Variants in SUSD6 observed in about 807,000 individuals in gnomAD.
SUSD6 encodes sushi domain containing 6, also known as sushi domain-containing protein 6.
A neutral mutation model predicts 28.4 loss-of-function variants in SUSD6; 16 were observed. That is an observed-to-expected ratio of 0.56 (90% CI 0.38 to 0.86). SUSD6 has a LOEUF of 0.86. Among genes scored for constraint, SUSD6 ranks in the 40% least tolerant of loss-of-function variants. The probability of loss-of-function intolerance (pLI) is 0.00; values close to 1 mark genes in which losing one functional copy is unlikely to be tolerated. For synonymous variants in SUSD6, 147 were observed against 159.6 expected, an observed-to-expected ratio of 0.92 and a Z score of 0.59; for missense variants, 341 against 384.2, an observed-to-expected ratio of 0.89 and a Z score of 0.94.
intron 1 of SUSD6, among the ~76,000 whole-genome samples, chr14:69,629,949 T>G (rs1431318402): frequency 6.6e-6 from 1 of 152,204 alleles, no homozygotes; most frequent in African/African-American, 2.4e-5. Flanking sequence ...AACATTGTCT[T>G]GTCTCATTTG....
chr14:69,651,542 G>C (rs1362839393), intron 1 of SUSD6, among the ~76,000 whole-genome samples: 1 of 152,194 alleles, frequency 6.6e-6, no homozygotes, highest in East Asian at 1.9e-4. Context: ...TTAATATTCT[G>C]GCCTGAAAGG....
intron 5 of SUSD6, among the ~76,000 whole-genome samples, chr14:69,709,509 G>T (rs188502180): frequency 2.0e-5 from 3 of 152,338 alleles, no homozygotes; most frequent in African/African-American, 7.2e-5. Context: ...GACAGCTGCT[G>T]CTTTCTAAAC....
chr14:69,670,391 T>C, intron 2 of SUSD6: 1 of 448,066 alleles, frequency 2.2e-6, no homozygotes, highest in Non-Finnish European at 4.6e-6. Context: ...TGATACATGC[T>C]ATAATCAGGA....
intron 2 of SUSD6, among the ~76,000 whole-genome samples, chr14:69,658,923 G>A (rs1885624217): frequency 6.6e-6 from 1 of 152,102 alleles, no homozygotes; most frequent in South Asian, 2.1e-4. Context: ...CCTGCTGGTG[G>A]TAACCTTGTC....
intron 1 of SUSD6, among the ~76,000 whole-genome samples, chr14:69,647,652 GA>G (rs780426786): frequency 1.8e-3 from 264 of 142,962 alleles, no homozygotes; most frequent in East Asian, 1.8e-3. Flanking sequence ...CAACCCCCTG[GA>G]AAAAAAAAAA....
At chr14:69,688,808 A>T (rs1230962586) in intron 2 of SUSD6, among the ~76,000 whole-genome samples, 2 of 152,220 alleles carry the variant, frequency 1.3e-5, no homozygotes, top group Non-Finnish European at 2.9e-5. Context: ...ACTATTTAGC[A>T]GGCTTTCATT....
At chr14:69,687,363 G>A (rs1220920928) in intron 2 of SUSD6, among the ~76,000 whole-genome samples, 1 of 152,112 alleles carries the variant, frequency 6.6e-6, no homozygotes, top group African/African-American at 2.4e-5. Flanking sequence ...TGCCTGCCTC[G>A]GCCTCCCAAA....
chr14:69,615,882 TA>T (rs1340638239), intron 1 of SUSD6: 1 of 152,212 alleles, frequency 6.6e-6, no homozygotes, highest in African/African-American at 2.4e-5. Context: ...TGAAACAGGA[TA>T]TTACTGAAGC....
At chr14:69,648,661 C>T (rs1258827922) in intron 1 of SUSD6, among the ~76,000 whole-genome samples, 3 of 152,114 alleles carry the variant, frequency 2.0e-5, no homozygotes, top group Non-Finnish European at 2.9e-5. Flanking sequence ...CTTTGGAAAA[C>T]GATCCACAGA....
chr14:69,706,293 G>T (rs1012091509), intron 4 of SUSD6, among the ~76,000 whole-genome samples: 4 of 152,130 alleles, frequency 2.6e-5, no homozygotes, highest in African/African-American at 9.7e-5. Flanking sequence ...TAACTTGTAA[G>T]TTTGTTAAAA....
chr14:69,634,669 G>A (rs1490647239), intron 1 of SUSD6, among the ~76,000 whole-genome samples: 1 of 152,248 alleles, frequency 6.6e-6, no homozygotes, highest in African/African-American at 2.4e-5. Context: ...GGTAGGAAGT[G>A]TGGTTGCAAA....
chr14:69,650,226 G>T (rs1285373004), intron 1 of SUSD6, among the ~76,000 whole-genome samples: 42 of 152,112 alleles, frequency 2.8e-4, no homozygotes. Flanking sequence ...TCTAGTGGGG[G>T]TCAGTCACGG....
chr14:69,666,792 G>C (rs945743402), intron 2 of SUSD6, among the ~76,000 whole-genome samples: 3 of 151,542 alleles, frequency 2.0e-5, no homozygotes, highest in African/African-American at 4.8e-5. Context: ...TAAACAGATT[G>C]TCTTCAAGAT....
intron 1 of SUSD6, among the ~76,000 whole-genome samples, chr14:69,619,154 TG>T (rs1429696873): frequency 6.6e-6 from 1 of 152,182 alleles, no homozygotes; most frequent in African/African-American, 2.4e-5. Flanking sequence ...GGTCCCGGAA[TG>T]GGGGTTGGGA....
chr14:69,678,798 A>G (rs1885955046), intron 2 of SUSD6, among the ~76,000 whole-genome samples: 1 of 152,176 alleles, frequency 6.6e-6, no homozygotes, highest in African/African-American at 2.4e-5. Context: ...GCAAGACCCT[A>G]TCTCAGAAAA....
intron 1 of SUSD6, chr14:69,615,870 C>A (rs1884952439): frequency 6.6e-6 from 1 of 152,182 alleles, no homozygotes. Context: ...ACACAGTACT[C>A]CTGAAACAGG....
intron 2 of SUSD6, among the ~76,000 whole-genome samples, chr14:69,693,259 T>A (rs1886177792): frequency 6.6e-6 from 1 of 152,014 alleles, no homozygotes; most frequent in African/African-American, 2.4e-5. Context: ...GGCCTGCCCC[T>A]CCTTGTAGCA....
At chr14:69,675,641 A>C (rs1456466265) in intron 2 of SUSD6, among the ~76,000 whole-genome samples, 1 of 152,126 alleles carries the variant, frequency 6.6e-6, no homozygotes, top group Non-Finnish European at 1.5e-5. Flanking sequence ...GCTAATCACT[A>C]TTGGCAGTTG....
chr14:69,638,317 C>A (rs1885294653), intron 1 of SUSD6, among the ~76,000 whole-genome samples: 1 of 151,978 alleles, frequency 6.6e-6, no homozygotes, highest in African/African-American at 2.4e-5. Context: ...TCAAACCTTG[C>A]CTCTTTCTGG....
Sources: gnomAD v4.1 joint callset for allele counts (sites outside exome capture counted in the v4.1 genomes callset) on GRCh38, gnomAD v4.1.1 for gene constraint, MANE v1.5 for transcripts, NCBI Gene and HGNC (gene_info 2026-07-23, HGNC 2026-07-21) for gene names.